JHY: variants seen among roughly 807,000 people sequenced by gnomAD.
JHY encodes the protein jhy protein homolog.
Under a neutral mutation model 78.0 loss-of-function variants are expected in JHY, and 69 were observed. The observed-to-expected ratio is 0.88, with a 90% confidence interval of 0.73 to 1.08. The LOEUF (loss-of-function observed/expected upper bound fraction) is 1.08. Ranked by LOEUF, JHY falls within the 50% of genes least tolerant of loss-of-function variation. The probability of loss-of-function intolerance (pLI) is 0.00; values close to 1 mark genes in which losing one functional copy is unlikely to be tolerated. For missense variants in JHY, 944 were observed against 927.8 expected (o/e 1.02, Z -0.23); for synonymous variants, 368 against 342.6 (o/e 1.07, Z -0.82).
intron 5 of JHY, among the ~76,000 whole-genome samples, chr11:122,945,408 T>C (rs1478189636): frequency 6.6e-6 from 1 of 152,232 alleles, no homozygotes; most frequent in Non-Finnish European, 1.5e-5. Flanking sequence ...TAGCTTCTTT[T>C]CTCAAGTCTT....
intron 2 of JHY, among the ~76,000 whole-genome samples, chr11:122,888,580 T>G (rs777914883): frequency 1.3e-5 from 2 of 151,944 alleles, no homozygotes; most frequent in Non-Finnish European, 2.9e-5. Context: ...CTATAGAAAA[T>G]TACAGAGAAA....
rs1379045135 is a variant in JHY, at chr11:122,961,192, G to A, written c.*1747G>A. 2 of 492,158 alleles carry A rather than the reference G, an allele frequency of 4.1e-6. No homozygotes were observed. Among genetic ancestry groups the A allele is most frequent in the African/African-American group, 3.9e-5 (2 of 50,888 alleles). The allele number at this position is 492,158 out of a possible 1,614,324, so 30.5% of individuals were successfully genotyped here. ...GTATTGCCCTCTACTGAAGTAGATAGTTTATATCTCCTAAAAATGAAACAT... is the reference window on the plus strand; with the variant it reads ...GTATTGCCCTCTACTGAAGTAGATAATTTATATCTCCTAAAAATGAAACAT... On this transcript the variant is annotated 3_prime_UTR_variant, in exon 9 of 9. Transcript: ENST00000227349.
intron 6 of JHY, among the ~76,000 whole-genome samples, chr11:122,949,840 CT>C (rs11402032): frequency 1.2e-3 from 165 of 142,372 alleles, no homozygotes; most frequent in East Asian, 1.4e-3. Context: ...TCTTTCTTTT[CT>C]TTTTTTTTTT....
At chr11:122,906,147 G>C (rs1465431968) in intron 3 of JHY, among the ~76,000 whole-genome samples, 1 of 151,932 alleles carries the variant, frequency 6.6e-6, no homozygotes, top group Non-Finnish European at 1.5e-5. Context: ...TTGCTTGATT[G>C]CTCATTTAAA....
intron 3 of JHY, among the ~76,000 whole-genome samples, chr11:122,918,439 C>A (rs972443373): frequency 1.3e-5 from 2 of 151,290 alleles, no homozygotes; most frequent in African/African-American, 4.9e-5. Flanking sequence ...GAAATCACAA[C>A]GTTAAATGGG....
intron 3 of JHY, among the ~76,000 whole-genome samples, chr11:122,913,622 T>C (rs528446071): frequency 6.4e-4 from 98 of 152,324 alleles, no homozygotes; most frequent in African/African-American, 2.4e-3. Flanking sequence ...TTGCCCTGGC[T>C]TGTTTGCTTA....
intron 5 of JHY, 62 bp from the exon 6 acceptor site, chr11:122,946,436 G>A: frequency 6.7e-7 from 1 of 1,484,410 alleles, no homozygotes; most frequent in Non-Finnish European, 9.0e-7. Context: ...AGACTTTTAT[G>A]CTAGATGTCT....
Position 122,959,328 on chromosome 11 carries a change from A to C in JHY, c.2220A>C (p.Pro740=). 6.2e-7 allele frequency: 1 copy of C among 1,614,168 alleles called. No individual in the cohort carries two copies. The highest frequency in any genetic ancestry group is 1.3e-5 in the African/African-American group (1 of 75,038). ...AAGCATCAAAGGAACAAAAAAATCC[A>C]ACCTATGCTGGGAAAGAAGAAAGTT... ...THQASKEQKN[P]TYAGKEESLP... Residue 740 remains proline, a synonymous_variant, in exon 9 of 9, where the codon CCA becomes CCC. Transcript: ENST00000227349.
chr11:122,900,975 A>T (rs945289345), intron 2 of JHY, among the ~76,000 whole-genome samples: 1 of 152,232 alleles, frequency 6.6e-6, no homozygotes, highest in Non-Finnish European at 1.5e-5. Context: ...CTTTCTAAAC[A>T]GCAGATGTCT....
At chr11:122,932,202 A>G (rs1863650835) in intron 4 of JHY, among the ~76,000 whole-genome samples, 1 of 152,146 alleles carries the variant, frequency 6.6e-6, no homozygotes, top group Non-Finnish European at 1.5e-5. Context: ...TCTTCAGTAA[A>G]CCACAGATCT....
At chr11:122,921,272 T>C (rs1311200996) in intron 3 of JHY, among the ~76,000 whole-genome samples, 1 of 152,232 alleles carries the variant, frequency 6.6e-6, no homozygotes, top group Non-Finnish European at 1.5e-5. Context: ...ATTCCATCAT[T>C]GTCAATCAAA....
At chr11:122,926,942 G>A (rs1039406482) in intron 4 of JHY, 1 of 152,220 alleles carries the variant, frequency 6.6e-6, no homozygotes, top group African/African-American at 2.4e-5. Context: ...TACATTTGAA[G>A]CATGTAAGAT....
intron 2 of JHY, among the ~76,000 whole-genome samples, chr11:122,892,513 A>G (rs777068180): frequency 2.3e-4 from 35 of 151,990 alleles, no homozygotes; most frequent in Non-Finnish European, 4.0e-4. Context: ...TAGTAGAGAC[A>G]GGGTTTCACC....
At position 122,959,291 on chromosome 11, in the gene JHY, A is replaced by T; in HGVS notation, c.2183A>T (p.Asn728Ile). The T allele has an allele frequency of 6.2e-7, 1 of 1,614,214 alleles. No individual in the cohort carries two copies. Among genetic ancestry groups the T allele is most frequent in the Non-Finnish European group, 8.5e-7 (1 of 1,180,034 alleles). ...AKTIPKPKPS[N>I]LTHQASKEQK... Reference sequence around the variant, plus strand: ...ACCATCCCCAAACCCAAACCATCAAATCTGACTCATCAAGCATCAAAGGAA... The same window carrying T: ...ACCATCCCCAAACCCAAACCATCAATTCTGACTCATCAAGCATCAAAGGAA... The change falls in exon 9 of 9, where the codon AAT (asparagine) becomes ATT (isoleucine). Residue 728 changes from asparagine to isoleucine, a missense_variant. Asn to Ile is a moderately radical substitution (Grantham distance 149). Transcript: ENST00000227349.
At chr11:122,922,213 A>AT (rs1469195753) in intron 3 of JHY, among the ~76,000 whole-genome samples, 3 of 152,050 alleles carry the variant, frequency 2.0e-5, no homozygotes, top group Middle Eastern at 3.2e-3. Context: ...AAAAGTTTTT[A>AT]TTTTTTCCCA....
intron 2 of JHY, among the ~76,000 whole-genome samples, chr11:122,900,552 C>A (rs1358306048): frequency 1.1e-5 from 1 of 89,382 alleles, no homozygotes; most frequent in African/African-American, 4.6e-5. Context: ...ACTGGGGGTG[C>A]TTTACAAATT....
In JHY at chr11:122,904,326, G is replaced by A; in HGVS notation, c.746G>A (p.Arg249Lys). 1 of 1,614,010 alleles carries A rather than the reference G, an allele frequency of 6.2e-7. No homozygotes were observed. Among genetic ancestry groups the A allele is most frequent in the Non-Finnish European group, 8.5e-7 (1 of 1,180,004 alleles). The stretch of plus-strand genomic sequence containing the variant: ...CCGGGATCACGTGGCCCTCGGCGAA[G>A]GAAATCCAAACAACATTTTGTGGAA... ...FLPGSRGPRR[R>K]KSKQHFVEKN... Residue 249 changes from arginine (R) to lysine (K), a missense_variant, in exon 3 of 9, where the codon AGG becomes AAG. Arg to Lys is a conservative substitution (Grantham distance 26). Coordinates refer to ENST00000227349, the MANE Select transcript of JHY (RefSeq NM_024806.4).
Position 122,962,346 on chromosome 11 carries a change from A to G in JHY, c.*2901A>G, listed in dbSNP as rs189212555. Among the ~76,000 whole-genome samples the G allele has an allele frequency of 1.5e-4, 23 of 152,342 alleles. No homozygotes were observed. The highest frequency in any genetic ancestry group is 5.1e-4 in the African/African-American group (21 of 41,578). ...TTGTATACATTTTACATATACCAAA[A>G]TGTAGCATAAAAGATGCCTGTATGA... On this transcript the variant is annotated 3_prime_UTR_variant, in exon 9 of 9. Transcript: ENST00000227349.
chr11:122,886,083 A>G lies in JHY; in HGVS notation c.234A>G (p.Glu78=), dbSNP rs1387567435. 1 of 1,614,168 alleles carries G rather than the reference A, an allele frequency of 6.2e-7. No individual in the cohort carries two copies. Among genetic ancestry groups the G allele is most frequent in the Non-Finnish European group, 8.5e-7 (1 of 1,180,042 alleles). ...AGCCCGACAGCTTAGACGAGGAGGA[A>G]AGCCCTCGATGGGGAAGCCTGCACG... is the stretch of plus-strand genomic sequence containing the variant. ...GMEPDSLDEE[E]SPRWGSLHEM... The change falls in exon 2 of 9, where the codon GAA becomes GAG. Residue 78 remains glutamate (E), a synonymous_variant. Coordinates refer to ENST00000227349, the MANE Select transcript of JHY (RefSeq NM_024806.4).
Sources: gnomAD v4.1 joint callset for allele counts (sites outside exome capture counted in the v4.1 genomes callset) on GRCh38, gnomAD v4.1.1 for gene constraint, MANE v1.5 for transcripts, NCBI Gene and HGNC (gene_info 2026-07-23, HGNC 2026-07-21) for gene names.